The following ZNF367 variants were observed in gnomAD, a reference collection of about 807,000 sequenced individuals.
ZNF367 encodes the protein zinc finger protein 367, also known as C2H2 zinc finger protein ZFF29.
Under a neutral mutation model 31.8 loss-of-function variants are expected in ZNF367, and 11 were observed. That is an observed-to-expected ratio of 0.35 (90% confidence interval 0.22 to 0.57). The LOEUF (loss-of-function observed/expected upper bound fraction) is 0.57, where lower values mean the gene tolerates loss of function less well. ZNF367 is among the 20% of genes least tolerant of loss of function. The pLI, the probability that ZNF367 is intolerant of heterozygous loss-of-function variation, is 0.85. For synonymous variants in ZNF367, 199 were observed against 202.4 expected, an observed-to-expected ratio of 0.98 and a Z score of 0.14; for missense variants, 353 against 484.1, an observed-to-expected ratio of 0.73 and a Z score of 2.54.
chr9:96,401,847 A>T (rs540732309), intron 1 of ZNF367, among the ~76,000 whole-genome samples: 27 of 151,680 alleles, frequency 1.8e-4, no homozygotes, highest in African/African-American at 1.7e-4. Flanking sequence ...AAAAATTTTT[A>T]AATTAGCAAG....
chr9:96,388,212 T>A lies in ZNF367; in HGVS notation c.*25A>T, dbSNP rs1219792170. ...TTAAGTATGCTGGGCAGTACTTTTG[T>A]ACAGTGGAAGAGTCAGTGTCCAAGC... is the stretch of plus-strand genomic sequence containing the variant. On this transcript the variant is annotated 3_prime_UTR_variant, in exon 5 of 5. Transcript: ENST00000375256. 4 of 1,594,014 alleles carry A rather than the reference T, an allele frequency of 2.5e-6. No individual in the cohort carries two copies. The highest frequency in any genetic ancestry group is 3.4e-6 in the Non-Finnish European group (4 of 1,171,350).
chr9:96,415,054 T>A lies in ZNF367; in HGVS notation c.420+2559A>T, dbSNP rs1011746145. Among the ~76,000 whole-genome samples, 8 of 140,606 alleles carry A rather than the reference T, an allele frequency of 5.7e-5. No homozygotes were observed. The South Asian group carries it at 6.9e-4, about 12-fold the overall frequency. The allele number at this position is 140,606 out of a possible 152,430, so 92.2% of individuals were successfully genotyped here. On this transcript the variant is annotated intron_variant, in intron 1 of 4. Transcript: ENST00000375256. ...AAAATACCTAGGATACCCATCCAAA[T>A]TTTTTTTTTTTTTTTTCTGAGACAG...
chr9:96,394,816 A>G lies in ZNF367; in HGVS notation c.691+7T>C. 6.2e-7 allele frequency: 1 copy of G among 1,613,390 alleles called. No homozygotes were observed. The highest frequency in any genetic ancestry group is 1.3e-5 in the African/African-American group (1 of 75,038). On this transcript the variant is annotated splice_region_variant and intron_variant, in intron 3 of 4. Transcript: ENST00000375256. Reference sequence around the variant, plus strand: ...TTATTCCATAAACTTAACTTCTAACACCGTACCATTTTCTGAACAAACAAA... The same window carrying G: ...TTATTCCATAAACTTAACTTCTAACGCCGTACCATTTTCTGAACAAACAAA...
At chr9:96,413,109 A>T (rs1831773049) in intron 1 of ZNF367, among the ~76,000 whole-genome samples, 1 of 152,202 alleles carries the variant, frequency 6.6e-6, no homozygotes, top group South Asian at 2.1e-4. Flanking sequence ...CAGTATAGGG[A>T]CTAAGAACAG....
At position 96,394,767 on chromosome 9, in the gene ZNF367, T is replaced by C. The variant is rs542971934; in HGVS notation, c.691+56A>G. ...CTCAAAAAAATTCAAGGAAAGGATATTTTAACTGTTAAGTCACAACTAGTT... is the reference window on the plus strand; with the variant it reads ...CTCAAAAAAATTCAAGGAAAGGATACTTTAACTGTTAAGTCACAACTAGTT... On this transcript the variant is annotated intron_variant, in intron 3 of 4. Transcript: ENST00000375256. The C allele has an allele frequency of 1.1e-4, 161 of 1,497,766 alleles. No homozygotes were observed. The African/African-American group carries it at 1.8e-3, about 16-fold the overall frequency. The allele number at this position is 1,497,766 out of a possible 1,614,324, so 92.8% of individuals were successfully genotyped here.
chr9:96,416,332 C>A (rs1296992468), intron 1 of ZNF367, among the ~76,000 whole-genome samples: 1 of 152,058 alleles, frequency 6.6e-6, no homozygotes, highest in Non-Finnish European at 1.5e-5. Flanking sequence ...GTGATCCGCC[C>A]GCCTCTGCCT....
Position 96,417,758 on chromosome 9 carries a change from GAGGCGGCGGCCC to G in ZNF367, c.263_274del (p.Gly88_Ser92delinsAla). 8.1e-7 allele frequency: 1 copy of G among 1,236,414 alleles called. No homozygotes were observed. 76.6% of individuals were successfully genotyped at this position (1,236,414 alleles called of 1,614,324 possible). A position where few individuals can be genotyped will look rare whatever the true frequency, so the allele number is the denominator to read the frequency against. On this transcript the variant is annotated inframe_deletion, in exon 1 of 5. Coordinates refer to ENST00000375256, the MANE Select transcript of ZNF367 (RefSeq NM_153695.4). The surrounding 1 kb of genome is among the most constrained non-coding windows in gnomAD (Gnocchi z 5.0). Reference sequence around the variant, plus strand: ...GGCTGCGGCTGCAGGCAGGGCGGCCGAGGCGGCGGCCCCCGCGGCCCCAGGGCTGAGCGTCAC... The same window carrying G: ...GGCTGCGGCTGCAGGCAGGGCGGCCGCCGCGGCCCCAGGGCTGAGCGTCAC...
chr9:96,408,497 A>G (rs1831700388), intron 1 of ZNF367, among the ~76,000 whole-genome samples: 1 of 152,232 alleles, frequency 6.6e-6, no homozygotes, highest in South Asian at 2.1e-4. Flanking sequence ...CCTTTAGGAA[A>G]TTATGCTAAG....
At chr9:96,413,257 G>T (rs1181839480) in intron 1 of ZNF367, among the ~76,000 whole-genome samples, 1 of 152,114 alleles carries the variant, frequency 6.6e-6, no homozygotes, top group Non-Finnish European at 1.5e-5. Flanking sequence ...GCTCAACACA[G>T]AGCCCAGCAG....
At chr9:96,414,157 T>G (rs1024084930) in intron 1 of ZNF367, among the ~76,000 whole-genome samples, 12 of 152,222 alleles carry the variant, frequency 7.9e-5, no homozygotes, top group Non-Finnish European at 1.8e-4. Context: ...TTCTTTTTCC[T>G]TCTTGCCCCC....
intron 1 of ZNF367, among the ~76,000 whole-genome samples, chr9:96,402,276 C>G (rs901806330): frequency 4.6e-5 from 7 of 151,492 alleles, no homozygotes; most frequent in Non-Finnish European, 8.8e-5. Flanking sequence ...AAGAAAGAAA[C>G]AAAAGAAAAG....
intron 1 of ZNF367, among the ~76,000 whole-genome samples, chr9:96,415,478 C>CTTTTTT (rs1564146059): frequency 3.0e-5 from 2 of 65,574 alleles, no homozygotes; most frequent in Non-Finnish European, 5.9e-5. Context: ...TTAGTTTCTT[C>CTTTTTT]ATTTTTTTTT....
intron 4 of ZNF367, among the ~76,000 whole-genome samples, chr9:96,391,081 G>A (rs559847505): frequency 3.3e-5 from 5 of 152,170 alleles, no homozygotes; most frequent in Admixed American, 6.5e-5. Context: ...TTCCCTGGAC[G>A]TGAATAATCA....
chr9:96,401,550 G>A (rs1356103544), intron 1 of ZNF367, among the ~76,000 whole-genome samples: 1 of 151,340 alleles, frequency 6.6e-6, no homozygotes, highest in Non-Finnish European at 1.5e-5. Context: ...CCAGCTACTC[G>A]GGAGGCTGAG....
At chr9:96,402,237 G>A (rs561444692) in intron 1 of ZNF367, among the ~76,000 whole-genome samples, 8 of 151,864 alleles carry the variant, frequency 5.3e-5, no homozygotes, top group South Asian at 4.2e-4. Flanking sequence ...GCCTGGCAAC[G>A]GAGCTAGACT....
intron 1 of ZNF367, among the ~76,000 whole-genome samples, chr9:96,408,289 C>A (rs888227470): frequency 1.3e-5 from 2 of 152,172 alleles, no homozygotes; most frequent in Non-Finnish European, 2.9e-5. Context: ...AACAGAATCT[C>A]AAAGACATAT....
At chr9:96,392,270 A>G (rs753338469) in intron 4 of ZNF367, 128 bp downstream of exon 4, 82 of 1,400,728 alleles carry the variant, frequency 5.9e-5, no homozygotes, top group Non-Finnish European at 7.6e-5. Flanking sequence ...ATCAGGGGTC[A>G]TTTCTAATTA....
chr9:96,414,755 C>A (rs550831233), intron 1 of ZNF367, among the ~76,000 whole-genome samples: 1 of 152,278 alleles, frequency 6.6e-6, no homozygotes, highest in East Asian at 1.9e-4. Context: ...GGATTACAGG[C>A]GTGAGCCTCC....
At position 96,394,853 on chromosome 9, in the gene ZNF367, C is replaced by T. The variant is rs1564140384; in HGVS notation, c.661G>A (p.Gly221Arg). Residue 221 changes from glycine (G) to arginine (R), a missense_variant, in exon 3 of 5, where the codon GGA becomes AGA. Physicochemically the swap from Gly to Arg is moderately radical, Grantham distance 125. Transcript: ENST00000375256. ...TCTGAACAAACAAAAGGTTTCTCTC[C>T]GGTGTGAAGACGCTGATGTGTTTTG... ...QLKTHQRLHT[G>R]EKPFVCSENG... 1 of 1,614,008 alleles carries T rather than the reference C, an allele frequency of 6.2e-7. No homozygotes were observed.
Sources: allele counts gnomAD v4.1 joint callset (sites outside exome capture counted in the v4.1 genomes callset), GRCh38; gene constraint gnomAD v4.1.1; non-coding constraint Gnocchi (gnomAD v3.1); transcripts MANE v1.5; gene names NCBI Gene and HGNC (gene_info 2026-07-23, HGNC 2026-07-21).